The following SETD1A variants were observed in gnomAD, a reference collection of about 807,000 sequenced individuals.
SETD1A encodes SET domain containing 1A, histone lysine methyltransferase.
In SETD1A, 29 loss-of-function variants were observed where a neutral mutation model predicts 149.9. The ratio of observed to expected loss-of-function variants is 0.19; its 90% CI spans 0.14 to 0.26. SETD1A has a LOEUF of 0.26. Among genes scored for constraint, SETD1A ranks in the 10% least tolerant of loss-of-function variants. SETD1A has a pLI of 1.00. For missense variants in SETD1A, 2,109 were observed against 2,353.1 expected (o/e 0.90, Z 2.15); for synonymous variants, 1,141 against 968.5 (o/e 1.18, Z -3.31).
Position 30,974,095 on chromosome 16 carries a change from A to T in SETD1A, c.3358+2376A>T, listed in dbSNP as rs562959637. 2.6e-4 allele frequency among the ~76,000 whole-genome samples: 39 copies of T among 152,270 alleles called. No individual in the cohort carries two copies. The South Asian group carries it at 3.5e-3, about 14-fold the overall frequency. On this transcript the variant is annotated intron_variant, in intron 13 of 18. Transcript: ENST00000262519. ...GCATGAACCAAAGCCGAGCGGTTCT[A>T]ATGTGGCAGAAGAGTGGAGTGGAAA... is the stretch of plus-strand genomic sequence containing the variant.
In SETD1A at chr16:30,964,113, C is replaced by G; in HGVS notation, c.659C>G (p.Ser220Cys). The G allele has an allele frequency of 6.2e-7, 1 of 1,613,722 alleles. No homozygotes were observed. Among genetic ancestry groups the G allele is most frequent in the Non-Finnish European group, 8.5e-7 (1 of 1,179,930 alleles). The stretch of plus-strand genomic sequence containing the variant: ...CTCTAGGCCGAATCCCGCCGCCGCT[C>G]TTCCTCTGACACAGCTGCCTACCCA... ...ATETAESRRR[S>C]SSDTAAYPAG... is the part of the protein sequence containing the mutation. The change falls in exon 6 of 19, where the codon TCT (serine) becomes TGT (cysteine). Residue 220 changes from serine to cysteine, a missense_variant. Physicochemically the swap from Ser to Cys is moderately radical, Grantham distance 112. This residue lies in a region of SETD1A where 410 missense variants were observed against 394.8 expected (regional missense o/e 1.04). Transcript: ENST00000262519.
intron 9 of SETD1A, 54 bp downstream of exon 9, chr16:30,967,114 CCTTCCT>C (rs1034931137): frequency 4.3e-6 from 6 of 1,390,992 alleles, no homozygotes; most frequent in Admixed American, 2.7e-5. Context: ...GAGGGGGCCC[CCTTCCT>C]TGGGGTAGGG....
In SETD1A at chr16:30,965,056, A is replaced by G. The variant is rs2056118882; in HGVS notation, c.1314A>G (p.Pro438=). 3.1e-6 allele frequency: 5 copies of G among 1,612,140 alleles called. No individual in the cohort carries two copies. Among genetic ancestry groups the G allele is most frequent in the Non-Finnish European group, 4.2e-6 (5 of 1,179,638 alleles). Residue 438 remains proline (P), a synonymous_variant, in exon 7 of 19, where the codon CCA becomes CCG. Transcript: ENST00000262519. ...PASEAPPPEP[P]EPGGGGGGGG... is the part of the protein sequence containing the mutation. ...CAGAGGCTCCACCCCCGGAGCCTCC[A>G]GAACCTGGTGGAGGCGGGGGTGGAG...
At chr16:30,971,794 A>G in intron 13 of SETD1A, 75 bp downstream of exon 13, 2 of 1,482,360 alleles carry the variant, frequency 1.3e-6, no homozygotes, top group South Asian at 1.4e-5. Context: ...GCTTGCATTT[A>G]TTGTGTACAA....
At position 30,980,142 on chromosome 16, in the gene SETD1A, G is replaced by A; in HGVS notation, c.4356G>A (p.Gln1452=). The change falls in exon 14 of 19, where the codon CAG becomes CAA. Residue 1452 remains glutamine (Q), a synonymous_variant. Coordinates refer to ENST00000262519, the MANE Select transcript of SETD1A (RefSeq NM_014712.3). This position sits in a 1 kb window ranked among gnomAD's most constrained non-coding sequence, Gnocchi z 7.7. ...YLRLTYERLL[Q]QTSGADWLND... ...GGCTTACGTACGAGCGGCTGCTGCA[G>A]CAGACAAGCGGGGCTGACTGGCTCA... The A allele has an allele frequency of 1.2e-6, 2 of 1,611,264 alleles. No individual in the cohort carries two copies. Among genetic ancestry groups the A allele is most frequent in the Non-Finnish European group, 1.7e-6 (2 of 1,179,098 alleles).
At position 30,965,760 on chromosome 16, in the gene SETD1A, C is replaced by G. The variant is rs376474875; in HGVS notation, c.1879C>G (p.Pro627Ala). 287 of 1,559,162 alleles carry G rather than the reference C, an allele frequency of 1.8e-4. No individual in the cohort carries two copies. The highest frequency in any genetic ancestry group is 2.3e-4 in the Non-Finnish European group (266 of 1,149,876). The change falls in exon 8 of 19, where the codon CCC becomes GCC. Residue 627 changes from proline to alanine, a missense_variant. Transcript: ENST00000262519. ...GGCGTCCCTTCCTCTTGGTTATCCTCCCCACCAACCTGCCTACCTCCTCCC... is the reference window on the plus strand; with the variant it reads ...GGCGTCCCTTCCTCTTGGTTATCCTGCCCACCAACCTGCCTACCTCCTCCC... ...YLASLPLGYP[P>A]HQPAYLLPPR...
intron 6 of SETD1A, 32 bp from the exon 7 acceptor site, chr16:30,964,578 CTG>C (rs756709337): frequency 1.9e-6 from 3 of 1,594,940 alleles, no homozygotes; most frequent in Non-Finnish European, 2.6e-6. Flanking sequence ...TCATAGAGAG[CTG>C]AGTCCAGCTA....
chr16:30,971,811 G>A, intron 13 of SETD1A, 92 bp downstream of exon 13: 1 of 1,407,248 alleles, frequency 7.1e-7, no homozygotes, highest in Non-Finnish European at 9.3e-7. Flanking sequence ...ACAAGTGTGT[G>A]ACTTTATTAG....
At chr16:30,982,362 G>A (rs1027195669) in intron 17 of SETD1A, among the ~76,000 whole-genome samples, 3 of 152,038 alleles carry the variant, frequency 2.0e-5, no homozygotes, top group Admixed American at 6.6e-5. Flanking sequence ...TTAGCCAGGC[G>A]TGGTGGCAGG....
chr16:30,982,135 G>A (rs562456494), intron 17 of SETD1A, among the ~76,000 whole-genome samples: 3 of 152,238 alleles, frequency 2.0e-5, no homozygotes, highest in South Asian at 4.1e-4. Context: ...GCTTGGTTGC[G>A]AGACACCATG....
Position 30,964,673 on chromosome 16 carries a change from C to A in SETD1A, c.931C>A (p.Arg311Ser). The change falls in exon 7 of 19, where the codon CGC becomes AGC. Residue 311 changes from arginine to serine, a missense_variant. Around this residue, in one of 8 missense-constraint regions of SETD1A, gnomAD observed 410 missense variants for 394.8 expected, o/e 1.04. Coordinates refer to ENST00000262519, the MANE Select transcript of SETD1A (RefSeq NM_014712.3). ...GAACAGCTACCAAGATGCCTTTTCC[C>A]GCCGCCACTTCTCTGCATCTTCAGC... ...SENSYQDAFS[R>S]RHFSASSAST... The A allele has an allele frequency of 6.2e-7, 1 of 1,614,052 alleles. No homozygotes were observed. Among genetic ancestry groups the A allele is most frequent in the Non-Finnish European group, 8.5e-7 (1 of 1,180,036 alleles).
Position 30,961,613 on chromosome 16 carries a change from G to A in SETD1A, c.517+76G>A. Reference sequence around the variant, plus strand: ...ACATGCAAATGCCTGTCAGGGTCAGGCAGGCGCCCAGGGTCATGATCTGAA... The same window carrying A: ...ACATGCAAATGCCTGTCAGGGTCAGACAGGCGCCCAGGGTCATGATCTGAA... On this transcript the variant is annotated intron_variant, in intron 4 of 18. Coordinates refer to ENST00000262519, the MANE Select transcript of SETD1A (RefSeq NM_014712.3). The surrounding 1 kb of genome is among the most constrained non-coding windows in gnomAD (Gnocchi z 4.0). 1 of 1,438,838 alleles carries A rather than the reference G, an allele frequency of 7.0e-7. No homozygotes were observed. The highest frequency in any genetic ancestry group is 9.6e-7 in the Non-Finnish European group (1 of 1,043,822). The allele number at this position is 1,438,838 out of a possible 1,614,324, so 89.1% of individuals were successfully genotyped here. A position where few individuals can be genotyped will look rare whatever the true frequency, so the allele number is the denominator to read the frequency against.
At chr16:30,975,428 C>A (rs12931543) in intron 13 of SETD1A, among the ~76,000 whole-genome samples, 14 of 136,424 alleles carry the variant, frequency 1.0e-4, no homozygotes, top group African/African-American at 3.3e-4. Context: ...CAACCTCTCC[C>A]TTTTTTTTTT....
In SETD1A at chr16:30,965,811, CCT is replaced by C. The variant is rs1567353425; in HGVS notation, c.1931_1932del (p.Pro644ArgfsTer14). The C allele has an allele frequency of 6.3e-7, 1 of 1,596,176 alleles. No individual in the cohort carries two copies. Among genetic ancestry groups the C allele is most frequent in the Non-Finnish European group, 8.5e-7 (1 of 1,169,964 alleles). ...ACCCAGACCTGATGGGCCGCCGCCC[CCT>C]GAGTACCCCCCACCTCCTCCACCAC... ...LPPRPDGPPP[P>X]EYPPPPPPPP... On this transcript the variant is annotated frameshift_variant, in exon 8 of 19. Transcript: ENST00000262519. LOFTEE classifies it high-confidence loss of function.
chr16:30,964,640 C>T lies in SETD1A; in HGVS notation c.898C>T (p.Arg300Trp), dbSNP rs529390507. ...STTSTSFKPRRSENSYQDAFS... is the reference protein window; with the variant it reads ...STTSTSFKPRWSENSYQDAFS... ...CACTTCAACCTCCTTCAAGCCCCGG[C>T]GGTCAGAGAACAGCTACCAAGATGC... The change falls in exon 7 of 19, where the codon CGG (arginine) becomes TGG (tryptophan). Residue 300 changes from arginine to tryptophan, a missense_variant. Arg to Trp is a moderately radical substitution (Grantham distance 101). This residue lies in a region of SETD1A where 410 missense variants were observed against 394.8 expected (regional missense o/e 1.04). Coordinates refer to ENST00000262519, the MANE Select transcript of SETD1A (RefSeq NM_014712.3). The T allele has an allele frequency of 1.1e-5, 18 of 1,613,542 alleles. 1 individual carries two copies. The highest frequency in any genetic ancestry group is 3.3e-5 in the South Asian group (3 of 91,064).
At chr16:30,958,676 C>CA (rs1450472541) in intron 1 of SETD1A, 41 bp from the exon 2 acceptor site, 2 of 1,559,078 alleles carry the variant, frequency 1.3e-6, no homozygotes, top group African/African-American at 2.7e-5. Flanking sequence ...AGTCAGGCCC[C>CA]AAGTCCTGAT....
rs752194406 is a variant in SETD1A, at chr16:30,979,991, GCCCTCCGCCCCCACC to G, written c.4209_4223del (p.Pro1408_Pro1412del). The G allele has an allele frequency of 1.0e-5, 13 of 1,279,902 alleles. No individual in the cohort carries two copies. The highest frequency in any genetic ancestry group is 1.3e-5 in the Non-Finnish European group (13 of 969,512). 79.3% of individuals were successfully genotyped at this position (1,279,902 alleles called of 1,614,324 possible). On this transcript the variant is annotated inframe_deletion, in exon 14 of 19. Transcript: ENST00000262519. ...CTCCGCTCCCACGCCCGGCGCCGCC[GCCCTCCGCCCCCACC>G]CCCGCCGCCACCGCCCCGCGCCTAC...
rs375584016 is a variant in SETD1A at position 30,980,031 on chromosome 16, C to T, written c.4245C>T (p.Tyr1415=). The T allele has an allele frequency of 3.5e-5, 54 of 1,549,656 alleles. No individual in the cohort carries two copies. Among genetic ancestry groups the T allele is most frequent in the East Asian group, 1.0e-4 (4 of 38,522 alleles). The stretch of plus-strand genomic sequence containing the variant: ...CCCCGCCGCCACCGCCCCGCGCCTA[C>T]GAGCCACGCAGTGAGTTTGAACAGA... The part of the protein sequence containing the change: ...PPPPPPPPRA[Y]EPRSEFEQMT... Residue 1415 remains tyrosine (Y), a synonymous_variant, in exon 14 of 19, where the codon TAC becomes TAT. Coordinates refer to ENST00000262519, the MANE Select transcript of SETD1A (RefSeq NM_014712.3). The surrounding 1 kb of genome is among the most constrained non-coding windows in gnomAD (Gnocchi z 7.7).
intron 8 of SETD1A, among the ~76,000 whole-genome samples, 181 bp downstream of exon 8, chr16:30,966,567 A>G (rs2056150423): frequency 1.3e-5 from 2 of 152,162 alleles, no homozygotes; most frequent in Admixed American, 6.5e-5. Context: ...GCAGGCACAG[A>G]TGGGCCTGGG....
Sources: gnomAD v4.1 joint callset for allele counts (sites outside exome capture counted in the v4.1 genomes callset) on GRCh38, gnomAD v4.1.1 for gene constraint, gnomAD v4.1.1 regional missense constraint, Gnocchi (gnomAD v3.1) non-coding constraint, MANE v1.5 for transcripts, NCBI Gene and HGNC (gene_info 2026-07-23, HGNC 2026-07-21) for gene names.